Variants in LAMB4 observed in about 807,000 individuals in gnomAD.
LAMB4 encodes the protein laminin subunit beta 4, also known as laminin subunit beta-4.
A neutral mutation model predicts 199.2 loss-of-function variants in LAMB4; 196 were observed. That is an observed-to-expected ratio of 0.98 (90% confidence interval 0.88 to 1.11). The LOEUF is 1.11. Among genes scored for constraint, LAMB4 ranks in the 50% least tolerant of loss-of-function variants. The probability of loss-of-function intolerance (pLI) is 0.00; values close to 1 mark genes in which losing one functional copy is unlikely to be tolerated. For synonymous variants in LAMB4, 744 were observed against 770.6 expected (o/e 0.97, Z 0.57); for missense variants, 2,080 against 2,171.2 (o/e 0.96, Z 0.83).
chr7:108,126,179 T>A (rs1258633719), intron 1 of LAMB4, among the ~76,000 whole-genome samples: 1 of 152,242 alleles, frequency 6.6e-6, no homozygotes, highest in South Asian at 2.1e-4. Context: ...TGAGAAGATA[T>A]TTTTAATGAC....
rs139215664 is a variant in LAMB4 at position 108,108,923 on chromosome 7, C to T, written c.402+248G>A. ...ATAGTTCTTATGGTTCCTATCACCT[C>T]AGTACTAGGAGTTTTCCTTTTCTCT... On this transcript the variant is annotated intron_variant, in intron 5 of 33. Transcript: ENST00000388781. Among the ~76,000 whole-genome samples, 688 of 152,166 alleles carry T rather than the reference C, an allele frequency of 4.5e-3. 5 individuals are homozygous for T. Among genetic ancestry groups the T allele is most frequent in the African/African-American group, 0.016 (653 of 41,528 alleles).
chr7:108,039,779 GC>G (rs2035357458), intron 29 of LAMB4, among the ~76,000 whole-genome samples: 1 of 152,054 alleles, frequency 6.6e-6, no homozygotes, highest in South Asian at 2.1e-4. Flanking sequence ...AGAAACAGTA[GC>G]TTTTTAATTA....
chr7:108,063,013 C>T lies in LAMB4; in HGVS notation c.3062-19G>A, dbSNP rs1482818040. ...GAGCATCCTGTGATGACAAAACCAT[C>T]ATCAGAGGTAAATTCAATGATAAAT... On this transcript the variant is annotated intron_variant, in intron 22 of 33. Transcript: ENST00000388781. 4 of 1,498,532 alleles carry T rather than the reference C, an allele frequency of 2.7e-6. No individual in the cohort carries two copies. In the African/African-American group the frequency reaches 5.6e-5, roughly 21 times the overall value. 92.8% of individuals were successfully genotyped at this position (1,498,532 alleles called of 1,614,324 possible).
rs750487735 is a variant in LAMB4, at chr7:108,055,708, T to TA, written c.3678_3679insT (p.Ile1227TyrfsTer23). 2 of 1,614,134 alleles carry TA rather than the reference T, an allele frequency of 1.2e-6. No individual in the cohort carries two copies. Among genetic ancestry groups the TA allele is most frequent in the South Asian group, 2.2e-5 (2 of 91,080 alleles). ...ACAGGATGTTTCAAAATCCTTTCTA[T>TA]TTCAGACACGTTCCCTCTGAGGTCT... is the stretch of plus-strand genomic sequence containing the variant. On this transcript the variant is annotated frameshift_variant, in exon 25 of 34. Coordinates refer to ENST00000388781, the MANE Select transcript of LAMB4 (RefSeq NM_007356.3). LOFTEE classifies it high-confidence loss of function.
chr7:108,099,917 A>G (rs1028711393), intron 10 of LAMB4, among the ~76,000 whole-genome samples: 1 of 152,216 alleles, frequency 6.6e-6, no homozygotes, highest in Non-Finnish European at 1.5e-5. Flanking sequence ...CTTACTATGA[A>G]AAAATAGCAT....
chr7:108,015,627 CAAAT>C, the LAMB4 span, among the ~76,000 whole-genome samples: 1 of 151,754 alleles, frequency 6.6e-6, no homozygotes, highest in Non-Finnish European at 1.5e-5. Flanking sequence ...CCTATATAAT[CAAAT>C]AAATTGTTTT....
At chr7:108,118,622 A>G (rs1416677120) in intron 2 of LAMB4, among the ~76,000 whole-genome samples, 1 of 152,152 alleles carries the variant, frequency 6.6e-6, no homozygotes, top group Non-Finnish European at 1.5e-5. Flanking sequence ...CTCACACCTT[A>G]TATTAATATT....
In LAMB4 at chr7:108,052,108, G is replaced by T. The variant is rs771946342; in HGVS notation, c.3905C>A (p.Ala1302Glu). Residue 1302 changes from alanine (A) to glutamate (E), a missense_variant, in exon 26 of 34, where the codon GCA (alanine) becomes GAA (glutamate). Coordinates refer to ENST00000388781, the MANE Select transcript of LAMB4 (RefSeq NM_007356.3). Reference sequence around the variant, plus strand: ...CATTTTTCCCTTACCCGCAATGCTTGCATTAAGGACACTGGATTGCAAATC... The same window carrying T: ...CATTTTTCCCTTACCCGCAATGCTTTCATTAAGGACACTGGATTGCAAATC... ...EIDLQSSVLNASIADSSENIK... is the reference protein window; with the variant it reads ...EIDLQSSVLNESIADSSENIK... The T allele has an allele frequency of 1.2e-6, 2 of 1,606,012 alleles. No homozygotes were observed. The highest frequency in any genetic ancestry group is 2.3e-5 in the South Asian group (2 of 88,836).
intron 28 of LAMB4, among the ~76,000 whole-genome samples, chr7:108,044,888 G>A (rs1307509393): frequency 2.0e-5 from 3 of 149,204 alleles, no homozygotes; most frequent in Non-Finnish European, 3.0e-5. Context: ...AGGAGGCGGA[G>A]GTTGCAGTGA....
At position 108,105,927 on chromosome 7, in the gene LAMB4, A is replaced by G. The variant is rs755989607; in HGVS notation, c.760T>C (p.Tyr254His). ...CGAACAATCATCTCGTACAGAGCAT[A>G]GTAGTATTTATCAAGGGAATCATTT... is the stretch of plus-strand genomic sequence containing the variant. ...RQNDSLDKYY[Y>H]ALYEMIVRGS... The change falls in exon 8 of 34, where the codon TAT becomes CAT. Residue 254 changes from tyrosine to histidine, a missense_variant. Transcript: ENST00000388781. The G allele has an allele frequency of 1.2e-6, 2 of 1,614,222 alleles. No individual in the cohort carries two copies. The highest frequency in any genetic ancestry group is 1.7e-5 in the Admixed American group (1 of 60,032).
chr7:108,014,417 A>G, the LAMB4 span, among the ~76,000 whole-genome samples: 1 of 151,294 alleles, frequency 6.6e-6, no homozygotes, highest in African/African-American at 2.5e-5. Flanking sequence ...CTGTGCTCAT[A>G]TGTTCCAATC....
chr7:108,048,259 G>T, intron 27 of LAMB4, 148 bp from the exon 28 acceptor site: 1 of 630,286 alleles, frequency 1.6e-6, no homozygotes, highest in Non-Finnish European at 2.6e-6. Flanking sequence ...TCTCCTCCTG[G>T]GTTCAAGAGA....
chr7:108,126,441 T>A (rs1390550225), intron 1 of LAMB4, among the ~76,000 whole-genome samples: 1 of 152,110 alleles, frequency 6.6e-6, no homozygotes, highest in Non-Finnish European at 1.5e-5. Context: ...CTACTCTAAG[T>A]ATCTAACATA....
At chr7:108,052,281 G>A in intron 25 of LAMB4, 24 bp from the exon 26 acceptor site, 1 of 1,534,262 alleles carries the variant, frequency 6.5e-7, no homozygotes, top group Non-Finnish European at 8.8e-7. Flanking sequence ...AAGGGTAAAT[G>A]TAGTTAAGCT....
intron 1 of LAMB4, among the ~76,000 whole-genome samples, chr7:108,127,961 T>C (rs2038852256): frequency 6.6e-6 from 1 of 152,264 alleles, no homozygotes; most frequent in South Asian, 2.1e-4. Flanking sequence ...CTAAAAGGAA[T>C]GTGTGTTTAG....
chr7:108,024,229 G>T (rs2034757913), intron 33 of LAMB4, 51 bp from the exon 34 acceptor site: 3 of 1,097,888 alleles, frequency 2.7e-6, no homozygotes, highest in East Asian at 5.2e-5. Flanking sequence ...ATGGATTCCT[G>T]CTGGATACCT....
chr7:108,122,989 A>T, intron 2 of LAMB4, 142 bp downstream of exon 2: 1 of 617,330 alleles, frequency 1.6e-6, no homozygotes, highest in Non-Finnish European at 2.6e-6. Flanking sequence ...CAGTTGCTTG[A>T]CACAATTACA....
Position 108,043,827 on chromosome 7 carries a change from T to G in LAMB4, c.4396A>C (p.Asn1466His), listed in dbSNP as rs778483676. 1 of 1,609,358 alleles carries G rather than the reference T, an allele frequency of 6.2e-7. No individual in the cohort carries two copies. Among genetic ancestry groups the G allele is most frequent in the South Asian group, 1.1e-5 (1 of 90,302 alleles). Residue 1466 changes from asparagine to histidine, a missense_variant, in exon 29 of 34, where the codon AAT (asparagine) becomes CAT (histidine). Asn to His is a moderately conservative substitution (Grantham distance 68). Coordinates refer to ENST00000388781, the MANE Select transcript of LAMB4 (RefSeq NM_007356.3). ...TCAGAGTCACTTTGGTTTCTTATAT[T>G]TCCCAGTTTTTCCCTCAGCTGTAAG... ...NALQLREKLG[N>H]IRNQSDSEEE...
At chr7:108,036,210 A>G (rs998501323) in intron 30 of LAMB4, among the ~76,000 whole-genome samples, 2 of 147,408 alleles carry the variant, frequency 1.4e-5, no homozygotes, top group Admixed American at 6.7e-5. Flanking sequence ...TTTTTTTGAG[A>G]CGGAGTTTCG....
Sources: gnomAD v4.1 joint callset for allele counts (sites outside exome capture counted in the v4.1 genomes callset) on GRCh38, gnomAD v4.1.1 for gene constraint, MANE v1.5 for transcripts, NCBI Gene and HGNC (gene_info 2026-07-23, HGNC 2026-07-21) for gene names.